TPRG1: variants seen among roughly 807,000 people sequenced by gnomAD.
The protein encoded by TPRG1 is tumor protein p63 regulated 1.
In TPRG1, 29 loss-of-function variants were observed where a neutral mutation model predicts 29.3. The observed-to-expected ratio is 0.99, with a 90% CI of 0.74 to 1.35. The LOEUF is 1.35. Ranked by LOEUF, TPRG1 falls within the 40% of genes most tolerant of loss-of-function variation. The pLI is 0.00. For synonymous variants in TPRG1, 130 were observed against 116.8 expected (o/e 1.11, Z -0.73); for missense variants, 327 against 335.0 (o/e 0.98, Z 0.19).
chr3:189,039,826 C>A (rs1260809077), intron 4 of TPRG1, among the ~76,000 whole-genome samples: 2 of 129,786 alleles, frequency 1.5e-5, no homozygotes, highest in Non-Finnish European at 3.3e-5. Flanking sequence ...ATTCTGATAT[C>A]TTCTTCTCAC....
chr3:189,143,539 T>G (rs1346257775), intron 3 of TPRG1, among the ~76,000 whole-genome samples: 2 of 152,184 alleles, frequency 1.3e-5, no homozygotes, highest in Admixed American at 6.5e-5. Context: ...TCCAATACTG[T>G]GTGAGTATGG....
intron 5 of TPRG1, 65 bp from the exon 6 acceptor site, chr3:189,320,561 G>A: frequency 7.8e-6 from 11 of 1,412,116 alleles, no homozygotes; most frequent in Non-Finnish European, 1.0e-5. Context: ...ACTGGCTGGG[G>A]AGATGAGTAT....
intron 5 of TPRG1, among the ~76,000 whole-genome samples, chr3:189,163,457 C>T (rs570839985): frequency 8.5e-5 from 13 of 152,260 alleles, no homozygotes; most frequent in East Asian, 1.9e-4. Context: ...AACTCTGACA[C>T]GGGCCAGCTA....
At chr3:189,110,768 T>C (rs1322441066) in intron 1 of TPRG1, among the ~76,000 whole-genome samples, 2 of 152,060 alleles carry the variant, frequency 1.3e-5, no homozygotes, top group African/African-American at 4.8e-5. Flanking sequence ...TATTTTGTTT[T>C]GCTTTGTGCA....
chr3:189,246,378 T>C (rs1440437869), intron 4 of TPRG1, among the ~76,000 whole-genome samples: 1 of 152,176 alleles, frequency 6.6e-6, no homozygotes, highest in Non-Finnish European at 1.5e-5. Flanking sequence ...ACACATAGCA[T>C]GTTTTTTTTA....
intron 1 of TPRG1, among the ~76,000 whole-genome samples, chr3:189,109,811 A>G (rs1301983106): frequency 6.6e-6 from 1 of 152,126 alleles, no homozygotes; most frequent in Non-Finnish European, 1.5e-5. Flanking sequence ...TCACTCCCCT[A>G]AATTCTCCAG....
intron 4 of TPRG1, among the ~76,000 whole-genome samples, chr3:189,294,685 C>T (rs985081029): frequency 9.9e-5 from 15 of 152,092 alleles, no homozygotes; most frequent in African/African-American, 3.6e-4. Context: ...TTAATTTCCT[C>T]ATAAATATAG....
chr3:189,055,905 C>T (rs1715637132), intron 4 of TPRG1, among the ~76,000 whole-genome samples: 1 of 151,900 alleles, frequency 6.6e-6, no homozygotes, highest in Admixed American at 6.6e-5. Context: ...AGTCTCCTAC[C>T]TTTCTATATG....
intron 4 of TPRG1, among the ~76,000 whole-genome samples, chr3:189,059,317 G>A (rs1715935117): frequency 6.6e-6 from 1 of 152,184 alleles, no homozygotes; most frequent in East Asian, 1.9e-4. Flanking sequence ...AGAAGGCCAG[G>A]TGCAGTGGCT....
In TPRG1 at chr3:189,322,662, T is replaced by C. The variant is rs1407697344; in HGVS notation, c.*1842T>C. On this transcript the variant is annotated 3_prime_UTR_variant, in exon 6 of 6. Transcript: ENST00000345063. Reference sequence around the variant, plus strand: ...TTTATTGGCAGAAGCCTCTGAAATGTCCAGCACATTCTTTTGAGTTACCAT... The same window carrying C: ...TTTATTGGCAGAAGCCTCTGAAATGCCCAGCACATTCTTTTGAGTTACCAT... 1.3e-5 allele frequency: 2 copies of C among 152,562 alleles called. No individual in the cohort carries two copies. The highest frequency in any genetic ancestry group is 3.9e-4 in the East Asian group (2 of 5,192). 9.5% of individuals were successfully genotyped at this position (152,562 alleles called of 1,614,324 possible).
At chr3:189,250,851 T>C (rs1742130834) in intron 4 of TPRG1, among the ~76,000 whole-genome samples, 1 of 152,034 alleles carries the variant, frequency 6.6e-6, no homozygotes, top group Admixed American at 6.6e-5. Flanking sequence ...CTTGTGCTGT[T>C]TGACCTTCAA....
chr3:189,094,376 C>T (rs184296962), intron 4 of TPRG1, among the ~76,000 whole-genome samples: 198 of 152,232 alleles, frequency 1.3e-3, no homozygotes, highest in Non-Finnish European at 2.3e-3. Context: ...CCATAACTGC[C>T]CCCTCCTTCT....
chr3:189,108,061 C>T (rs1424252678), intron 1 of TPRG1, among the ~76,000 whole-genome samples: 1 of 152,126 alleles, frequency 6.6e-6, no homozygotes, highest in African/African-American at 2.4e-5. Context: ...GGGGAGGTCG[C>T]CACTTCACTT....
At chr3:189,084,439 G>C (rs1578315870) in intron 4 of TPRG1, among the ~76,000 whole-genome samples, 1 of 152,206 alleles carries the variant, frequency 6.6e-6, no homozygotes, top group African/African-American at 2.4e-5. Flanking sequence ...TCATTACTCA[G>C]GCTTGCCTCA....
intron 4 of TPRG1, among the ~76,000 whole-genome samples, chr3:189,258,077 G>C (rs967576758): frequency 3.9e-5 from 6 of 152,158 alleles, no homozygotes; most frequent in Non-Finnish European, 7.3e-5. Context: ...GAGGAGAAGA[G>C]GCATTCTGGT....
At chr3:189,229,893 ATCTCTCT>A (rs1738363038) in intron 3 of TPRG1, among the ~76,000 whole-genome samples, 6 of 152,180 alleles carry the variant, frequency 3.9e-5, no homozygotes. Flanking sequence ...CAGTAGGCAG[ATCTCTCT>A]GCTGCTTAAA....
At chr3:189,155,529 TAGAAAG>T (rs1177548222) in intron 5 of TPRG1, among the ~76,000 whole-genome samples, 1 of 151,678 alleles carries the variant, frequency 6.6e-6, no homozygotes, top group Non-Finnish European at 1.5e-5. Flanking sequence ...CAAGCAGAGT[TAGAAAG>T]AGAGAAGGTG....
intron 5 of TPRG1, among the ~76,000 whole-genome samples, chr3:189,317,792 T>C (rs1191224473): frequency 1.3e-5 from 2 of 152,212 alleles, no homozygotes; most frequent in African/African-American, 4.8e-5. Flanking sequence ...TAAAATGTTC[T>C]CTGATAAAGA....
intron 1 of TPRG1, among the ~76,000 whole-genome samples, chr3:189,113,947 A>T (rs1371740555): frequency 3.3e-5 from 5 of 151,964 alleles, no homozygotes; most frequent in Non-Finnish European, 7.4e-5. Flanking sequence ...AATAAAATAA[A>T]ATAAAGTGTT....
Sources: allele counts gnomAD v4.1 joint callset (sites outside exome capture counted in the v4.1 genomes callset), GRCh38; gene constraint gnomAD v4.1.1; transcripts MANE v1.5; gene names NCBI Gene and HGNC (gene_info 2026-07-23, HGNC 2026-07-21).